The following SEC22C variants were observed in gnomAD, a reference collection of about 807,000 sequenced individuals.
SEC22C encodes the protein SEC22 homolog C, vesicle trafficking protein, also known as vesicle-trafficking protein SEC22c.
SEC22C carries 29 observed loss-of-function variants against 34.7 expected under a neutral mutation model. The ratio of observed to expected loss-of-function variants is 0.84; its 90% CI spans 0.62 to 1.14. The LOEUF (loss-of-function observed/expected upper bound fraction) is 1.14. Among genes scored for constraint, SEC22C ranks in the 50% most tolerant of loss-of-function variants. The pLI is 0.00. For missense variants in SEC22C, 337 were observed against 369.0 expected (o/e 0.91, Z 0.71); for synonymous variants, 117 against 132.8 (o/e 0.88, Z 0.82).
upstream of SEC22C, among the ~76,000 whole-genome samples, chr3:42,586,386 C>A (rs1704608965): frequency 6.6e-6 from 1 of 152,062 alleles, no homozygotes; most frequent in African/African-American, 2.4e-5. Context: ...CCATGCCTGG[C>A]TAATTTTTGT....
In SEC22C at chr3:42,549,232, T is replaced by C; in HGVS notation, c.*4016A>G. On this transcript the variant is annotated 3_prime_UTR_variant, in exon 7 of 7. Coordinates refer to ENST00000264454, the MANE Select transcript of SEC22C (RefSeq NM_032970.4). ...ATGTGAGCAATGTCTGAACAGGGGC[T>C]TGCCAGGCACATCTGATCACCATAA... 2 of 986,532 alleles carry C rather than the reference T, an allele frequency of 2.0e-6. No homozygotes were observed. The highest frequency in any genetic ancestry group is 2.4e-6 in the Non-Finnish European group (2 of 830,630). 61.1% of individuals were successfully genotyped at this position (986,532 alleles called of 1,614,324 possible).
intron 2 of SEC22C, among the ~76,000 whole-genome samples, chr3:42,565,182 T>G (rs1027505132): frequency 6.6e-6 from 1 of 152,194 alleles, no homozygotes; most frequent in Admixed American, 6.5e-5. Context: ...TCTGCCCCCC[T>G]TTCATTTCTA....
chr3:42,550,603 T>G lies in SEC22C; in HGVS notation c.*2645A>C, dbSNP rs1224978532. 12 of 985,428 alleles carry G rather than the reference T, an allele frequency of 1.2e-5. No individual in the cohort carries two copies. The highest frequency in any genetic ancestry group is 1.3e-5 in the Non-Finnish European group (11 of 829,942). 61.0% of individuals were successfully genotyped at this position (985,428 alleles called of 1,614,324 possible). A position where few individuals can be genotyped will look rare whatever the true frequency, so the allele number is the denominator to read the frequency against. Reference sequence around the variant, plus strand: ...CTGTTTTTCTAGTGCATCTTTTCCCTTTTGTTTGCAAAAGTCAATCTCACC... The same window carrying G: ...CTGTTTTTCTAGTGCATCTTTTCCCGTTTGTTTGCAAAAGTCAATCTCACC... On this transcript the variant is annotated 3_prime_UTR_variant, in exon 7 of 7. Coordinates refer to ENST00000264454, the MANE Select transcript of SEC22C (RefSeq NM_032970.4).
intron 2 of SEC22C, among the ~76,000 whole-genome samples, chr3:42,564,968 G>A (rs187668697): frequency 2.0e-5 from 3 of 152,172 alleles, no homozygotes; most frequent in African/African-American, 4.8e-5. Context: ...ATGTTGCCCA[G>A]GCTGGTCTCG....
rs568170544 is a variant in SEC22C, at chr3:42,550,724, T to G, written c.*2524A>C. On this transcript the variant is annotated 3_prime_UTR_variant, in exon 7 of 7. Transcript: ENST00000264454. ...GTCAGGAAGCATTACCAGGAAGGAC[T>G]CATCTTCAAGGACCGTTTCTTTACT... 2 of 985,352 alleles carry G rather than the reference T, an allele frequency of 2.0e-6. No individual in the cohort carries two copies. The highest frequency in any genetic ancestry group is 1.2e-4 in the Admixed American group (2 of 16,274). 61.0% of individuals were successfully genotyped at this position (985,352 alleles called of 1,614,324 possible).
chr3:42,551,211 C>A lies in SEC22C; in HGVS notation c.*2037G>T. ...CTCCTTAACTTCCCATTCTATTTCA[C>A]CATCTCTTCAAAATTGTCTCCCAGA... On this transcript the variant is annotated 3_prime_UTR_variant, in exon 7 of 7. Transcript: ENST00000264454. 2 of 985,406 alleles carry A rather than the reference C, an allele frequency of 2.0e-6. No individual in the cohort carries two copies. Among genetic ancestry groups the A allele is most frequent in the Non-Finnish European group, 2.4e-6 (2 of 829,932 alleles). 61.0% of individuals were successfully genotyped at this position (985,406 alleles called of 1,614,324 possible).
Position 42,549,079 on chromosome 3 carries a change from G to A in SEC22C, c.*4169C>T, listed in dbSNP as rs1234117904. 2 of 994,974 alleles carry A rather than the reference G, an allele frequency of 2.0e-6. No individual in the cohort carries two copies. The highest frequency in any genetic ancestry group is 5.5e-5 in the Admixed American group (1 of 18,244). 61.6% of individuals were successfully genotyped at this position (994,974 alleles called of 1,614,324 possible). On this transcript the variant is annotated 3_prime_UTR_variant, in exon 7 of 7. Transcript: ENST00000264454. Reference sequence around the variant, plus strand: ...TAGCCAGCTGACGGTCAGCTGACTGGTGCACTCTTTCCCTCACCTTCTCTC... The same window carrying A: ...TAGCCAGCTGACGGTCAGCTGACTGATGCACTCTTTCCCTCACCTTCTCTC...
upstream of SEC22C, among the ~76,000 whole-genome samples, chr3:42,585,129 C>A (rs902627507): frequency 1.3e-5 from 2 of 151,968 alleles, no homozygotes; most frequent in East Asian, 3.9e-4. Context: ...AACTCCATCT[C>A]AAAAAACAAA....
chr3:42,584,726 C>T (rs1408700107), upstream of SEC22C, among the ~76,000 whole-genome samples: 2 of 152,196 alleles, frequency 1.3e-5, no homozygotes, highest in Non-Finnish European at 2.9e-5. Context: ...TCCCCTCCCA[C>T]AATGAGTCTC....
At chr3:42,556,451 T>G (rs942260363) in intron 5 of SEC22C, among the ~76,000 whole-genome samples, 2 of 152,208 alleles carry the variant, frequency 1.3e-5, no homozygotes, top group Non-Finnish European at 2.9e-5. Flanking sequence ...AGTTGGTAAG[T>G]ATCTGGCTAA....
At chr3:42,593,756 G>T (rs1704939869) in intron 1 of SEC22C, among the ~76,000 whole-genome samples, 2 of 152,174 alleles carry the variant, frequency 1.3e-5, no homozygotes, top group African/African-American at 4.8e-5. Context: ...GAGTAAGTGG[G>T]GGGAGGAGTG....
At chr3:42,590,843 C>T in intron 1 of SEC22C, 2 of 1,577,308 alleles carry the variant, frequency 1.3e-6, no homozygotes, top group Non-Finnish European at 1.7e-6. Flanking sequence ...GAGCGTAGGC[C>T]CCACCTATCG....
intron 1 of SEC22C, chr3:42,600,945 C>A (rs1705349376): frequency 7.6e-7 from 1 of 1,310,422 alleles, no homozygotes; most frequent in Non-Finnish European, 1.0e-6. Context: ...CCCCCGCCCT[C>A]GCCCCTGCCC....
At chr3:42,563,841 T>C in intron 2 of SEC22C, 155 bp from the exon 3 acceptor site, 1 of 1,518,970 alleles carries the variant, frequency 6.6e-7, no homozygotes, top group Non-Finnish European at 8.8e-7. Context: ...CAGTTCGACC[T>C]ATTCCTGAGA....
At chr3:42,563,964 C>T in intron 2 of SEC22C, 1 of 1,328,674 alleles carries the variant, frequency 7.5e-7, no homozygotes, top group Non-Finnish European at 9.9e-7. Flanking sequence ...GGGAATTAGC[C>T]TCAGACTTCT....
intron 1 of SEC22C, among the ~76,000 whole-genome samples, 163 bp downstream of exon 1, chr3:42,581,683 A>C (rs1229825026): frequency 6.6e-6 from 1 of 152,252 alleles, no homozygotes; most frequent in Non-Finnish European, 1.5e-5. Flanking sequence ...GGACTCCAAG[A>C]AGCCCAGTGA....
intron 1 of SEC22C, among the ~76,000 whole-genome samples, chr3:42,598,601 T>C (rs1485449796): frequency 6.6e-6 from 1 of 151,864 alleles, no homozygotes; most frequent in Non-Finnish European, 1.5e-5. Flanking sequence ...AGTGCAGGGA[T>C]TACAGGTGTG....
At chr3:42,593,181 G>A (rs1270332651) in intron 1 of SEC22C, among the ~76,000 whole-genome samples, 2 of 152,182 alleles carry the variant, frequency 1.3e-5, no homozygotes, top group Non-Finnish European at 2.9e-5. Flanking sequence ...GGGAGGCTGA[G>A]GCGGGCAGAT....
intron 1 of SEC22C, among the ~76,000 whole-genome samples, chr3:42,579,910 T>C (rs938769461): frequency 3.9e-5 from 6 of 152,256 alleles, no homozygotes; most frequent in African/African-American, 1.4e-4. Flanking sequence ...TTTGAACACT[T>C]TTCCACAATA....
Sources: allele counts gnomAD v4.1 joint callset (sites outside exome capture counted in the v4.1 genomes callset), GRCh38; gene constraint gnomAD v4.1.1; transcripts MANE v1.5; gene names NCBI Gene and HGNC (gene_info 2026-07-23, HGNC 2026-07-21).